Variants in BCL2L14 observed in about 807,000 individuals in gnomAD.
BCL2L14 encodes BCL2 like 14.
A neutral mutation model predicts 35.3 loss-of-function variants in BCL2L14; 27 were observed. That is an observed-to-expected ratio of 0.76 (90% confidence interval 0.56 to 1.05). BCL2L14 has a LOEUF of 1.05. Among genes scored for constraint, BCL2L14 ranks in the 50% least tolerant of loss-of-function variants. BCL2L14 has a pLI of 0.00. For synonymous variants in BCL2L14, 139 were observed against 145.9 expected, an observed-to-expected ratio of 0.95 and a Z score of 0.34; for missense variants, 377 against 382.6, an observed-to-expected ratio of 0.99 and a Z score of 0.12.
intron 3 of BCL2L14, 91 bp downstream of exon 3, chr12:12,087,477 A>G (rs1949073457): frequency 7.2e-7 from 1 of 1,388,180 alleles, no homozygotes; most frequent in African/African-American, 1.4e-5. Flanking sequence ...GCAACTTGAC[A>G]GTCTCCGCTG....
intron 1 of BCL2L14, among the ~76,000 whole-genome samples, chr12:12,075,489 G>C (rs1948762414): frequency 6.6e-6 from 1 of 151,344 alleles, no homozygotes; most frequent in African/African-American, 2.4e-5. Context: ...GCAATGGCGT[G>C]ATCTCGGCTC....
intron 3 of BCL2L14, among the ~76,000 whole-genome samples, chr12:12,088,870 C>T (rs1387653359): frequency 6.7e-6 from 1 of 148,930 alleles, no homozygotes; most frequent in Non-Finnish European, 1.5e-5. Flanking sequence ...GAGGAGGAGG[C>T]CTCTGAGTCT....
At chr12:12,077,926 T>C (rs1188462522) in intron 1 of BCL2L14, 3 of 419,694 alleles carry the variant, frequency 7.1e-6, no homozygotes, top group African/African-American at 6.2e-5. Context: ...AAACAGATTA[T>C]TAGCAAAAAG....
intron 2 of BCL2L14, among the ~76,000 whole-genome samples, chr12:12,085,078 C>T (rs995734508): frequency 3.5e-5 from 3 of 85,922 alleles, no homozygotes; most frequent in Non-Finnish European, 7.2e-5. Flanking sequence ...AGCGAGACTC[C>T]GTCTCAAAAA....
intron 5 of BCL2L14, chr12:12,096,231 T>C (rs1002720463): frequency 1.8e-5 from 16 of 885,820 alleles, no homozygotes; most frequent in South Asian, 1.0e-4. Context: ...CCTCTTAATA[T>C]ATTTTCTCAG....
At chr12:12,050,542 G>A (rs1332828368) in intron 1 of BCL2L14, among the ~76,000 whole-genome samples, 7 of 151,778 alleles carry the variant, frequency 4.6e-5, no homozygotes, top group Admixed American at 4.6e-4. Context: ...TATTAGTGAG[G>A]AGTCTGCAAA....
chr12:12,090,737 T>C (rs1440795917), intron 3 of BCL2L14, 42 bp from the exon 4 acceptor site: 1 of 1,526,030 alleles, frequency 6.6e-7, no homozygotes, highest in Admixed American at 1.7e-5. Context: ...AAGATTATTT[T>C]TTGCTTCTCT....
intron 2 of BCL2L14, among the ~76,000 whole-genome samples, chr12:12,058,808 G>A (rs1320115492): frequency 2.6e-5 from 4 of 152,272 alleles, no homozygotes; most frequent in African/African-American, 9.6e-5. Context: ...CTCAGATGGG[G>A]GACCTCCCTT....
intron 1 of BCL2L14, chr12:12,077,849 G>A (rs962834484): frequency 3.8e-5 from 11 of 287,634 alleles, no homozygotes; most frequent in East Asian, 8.5e-5. Flanking sequence ...CATTTCACAC[G>A]GTAGATCTGA....
At position 12,087,402 on chromosome 12, in the gene BCL2L14, C is replaced by G. The variant is rs1949071779; in HGVS notation, c.607+16C>G. On this transcript the variant is annotated intron_variant, in intron 3 of 5. Coordinates refer to ENST00000308721, the MANE Select transcript of BCL2L14 (RefSeq NM_138723.2). Reference sequence around the variant, plus strand: ...TCTAAGAAAGGTAAGCTTTCCTTCCCTGGGTGGAGTGTTTGCCAGGCAGGG... The same window carrying G: ...TCTAAGAAAGGTAAGCTTTCCTTCCGTGGGTGGAGTGTTTGCCAGGCAGGG... The G allele has an allele frequency of 6.2e-7, 1 of 1,612,472 alleles. No homozygotes were observed.
intron 2 of BCL2L14, among the ~76,000 whole-genome samples, chr12:12,064,022 A>G (rs543565059): frequency 2.0e-5 from 3 of 152,244 alleles, no homozygotes; most frequent in East Asian, 3.9e-4. Flanking sequence ...ATAAACACCC[A>G]TGTTGCTCAC....
chr12:12,094,991 T>TC, intron 5 of BCL2L14, 61 bp downstream of exon 5: 1 of 1,497,568 alleles, frequency 6.7e-7, no homozygotes, highest in Admixed American at 2.1e-5. Context: ...GGATGGATTT[T>TC]TTTTTTTTTT....
intron 2 of BCL2L14, among the ~76,000 whole-genome samples, chr12:12,084,741 CAT>C (rs1165644982): frequency 6.6e-6 from 1 of 152,104 alleles, no homozygotes; most frequent in Non-Finnish European, 1.5e-5. Flanking sequence ...TCTGTGGGAA[CAT>C]GTTTGCTTAT....
chr12:12,090,493 C>T (rs990522053), intron 3 of BCL2L14, among the ~76,000 whole-genome samples: 1 of 151,948 alleles, frequency 6.6e-6, no homozygotes, highest in Non-Finnish European at 1.5e-5. Flanking sequence ...ATTAGCCAGG[C>T]GTGGTGGCAC....
chr12:12,062,267 C>A (rs1226007741), intron 2 of BCL2L14, among the ~76,000 whole-genome samples: 38 of 146,392 alleles, frequency 2.6e-4, no homozygotes, highest in African/African-American at 9.8e-4. Context: ...GATACCACAC[C>A]TGACCCCCAT....
chr12:12,086,780 G>A (rs1373898553), intron 2 of BCL2L14, among the ~76,000 whole-genome samples: 1 of 152,216 alleles, frequency 6.6e-6, no homozygotes, highest in African/African-American at 2.4e-5. Context: ...ACCCCGAAAT[G>A]CTTGTCAAAT....
chr12:12,057,804 T>C lies in BCL2L14; in HGVS notation c.-272+5957T>C, dbSNP rs1048661939. Among the ~76,000 whole-genome samples the C allele has an allele frequency of 2.0e-5, 3 of 149,650 alleles. No individual in the cohort carries two copies. In the South Asian group the frequency reaches 6.4e-4, roughly 32 times the overall value. ...GAACATCAACAAACTGGGCTGCATC[T>C]GAACCATGTGAAGAAGATGGTCAGG... On this transcript the variant is annotated intron_variant, in intron 2 of 3. Coordinates refer to the BCL2L14 transcript ENST00000461264.
intron 2 of BCL2L14, among the ~76,000 whole-genome samples, chr12:12,053,367 G>A (rs2136705753): frequency 6.6e-6 from 1 of 151,940 alleles, no homozygotes; most frequent in Non-Finnish European, 1.5e-5. Flanking sequence ...ACTCAGCTCA[G>A]GGGACACAAT....
intron 4 of BCL2L14, among the ~76,000 whole-genome samples, chr12:12,093,987 G>C (rs890365124): frequency 2.0e-5 from 3 of 149,450 alleles, no homozygotes; most frequent in African/African-American, 7.4e-5. Flanking sequence ...TGCACCTGTA[G>C]TCCCATCTAC....
Sources: allele counts gnomAD v4.1 joint callset (sites outside exome capture counted in the v4.1 genomes callset), GRCh38; gene constraint gnomAD v4.1.1; transcripts MANE v1.5; gene names NCBI Gene and HGNC (gene_info 2026-07-23, HGNC 2026-07-21).